BCAS4: variants seen among roughly 807,000 people sequenced by gnomAD.
The protein encoded by BCAS4 is breast carcinoma-amplified sequence 4.
A neutral mutation model predicts 15.7 loss-of-function variants in BCAS4; 9 were observed. The observed-to-expected ratio is 0.57, with a 90% CI of 0.34 to 1.00. BCAS4 has a LOEUF of 1.00. BCAS4 is among the 50% of genes least tolerant of loss of function. BCAS4 has a pLI of 0.02. For missense variants in BCAS4, 225 were observed against 239.1 expected, an observed-to-expected ratio of 0.94 and a Z score of 0.39; for synonymous variants, 101 against 99.5, an observed-to-expected ratio of 1.02 and a Z score of -0.09.
chr20:50,854,579 G>A (rs1568679450), intron 4 of BCAS4, among the ~76,000 whole-genome samples: 1 of 152,194 alleles, frequency 6.6e-6, no homozygotes, highest in African/African-American at 2.4e-5. Flanking sequence ...AGCGGGAGGA[G>A]GTAGAAGAGG....
chr20:50,837,141 C>T (rs533701239), intron 3 of BCAS4, among the ~76,000 whole-genome samples: 1 of 152,244 alleles, frequency 6.6e-6, no homozygotes, highest in South Asian at 2.1e-4. Flanking sequence ...CAGAAAAAGC[C>T]GCCGAGGCAC....
At chr20:50,822,184 G>A (rs1054908936) in intron 2 of BCAS4, among the ~76,000 whole-genome samples, 9 of 152,100 alleles carry the variant, frequency 5.9e-5, no homozygotes, top group African/African-American at 2.2e-4. Context: ...CGCTCTCCAC[G>A]TGGCTGGCGT....
intron 4 of BCAS4, among the ~76,000 whole-genome samples, chr20:50,871,602 CCA>C (rs1308046819): frequency 6.6e-6 from 1 of 152,182 alleles, no homozygotes; most frequent in Non-Finnish European, 1.5e-5. Flanking sequence ...AGGAAAAGCC[CCA>C]GGGTAACTCC....
intron 1 of BCAS4, among the ~76,000 whole-genome samples, chr20:50,813,915 C>A (rs1241002053): frequency 6.6e-6 from 1 of 151,976 alleles, no homozygotes; most frequent in African/African-American, 2.4e-5. Flanking sequence ...GCCTCCTTCC[C>A]CTCTGAGTGG....
rs1980001148 is a variant in BCAS4, at chr20:50,877,155, C to T, written c.*547C>T. ...GGTGCCCACAGCCTTGAGGATCCTT[C>T]CAATAAAGGTGTCAAGAGCTCAGCC... On this transcript the variant is annotated 3_prime_UTR_variant, in exon 5 of 5. Coordinates refer to ENST00000371608, the MANE Select transcript of BCAS4 (RefSeq NM_198799.4). 1 of 152,774 alleles carries T rather than the reference C, an allele frequency of 6.5e-6. No individual in the cohort carries two copies. The highest frequency in any genetic ancestry group is 2.1e-4 in the South Asian group (1 of 4,850). The allele number at this position is 152,774 out of a possible 1,614,324, so 9.5% of individuals were successfully genotyped here.
At chr20:50,819,464 C>T (rs762188049) in intron 2 of BCAS4, among the ~76,000 whole-genome samples, 15 of 152,138 alleles carry the variant, frequency 9.9e-5, no homozygotes, top group Non-Finnish European at 1.5e-4. Context: ...CGTGTCCGGA[C>T]CCTGAGAGTG....
chr20:50,853,139 A>ATTTTTTTTTTTTTTTTT, intron 4 of BCAS4, among the ~76,000 whole-genome samples: 1 of 106,906 alleles, frequency 9.4e-6, no homozygotes, highest in Non-Finnish European at 1.9e-5. Context: ...ATCCCCTTTC[A>ATTTTTTTTTTTTTTTTT]TTTTTTTTTT....
chr20:50,866,226 C>T (rs558794350), intron 4 of BCAS4, among the ~76,000 whole-genome samples: 4 of 152,302 alleles, frequency 2.6e-5, no homozygotes, highest in South Asian at 2.1e-4. Flanking sequence ...AGCCACCGGC[C>T]GTGGTGGGGG....
intron 4 of BCAS4, among the ~76,000 whole-genome samples, chr20:50,873,864 C>T (rs936836944): frequency 1.3e-5 from 2 of 152,218 alleles, no homozygotes; most frequent in African/African-American, 4.8e-5. Context: ...AGGTGCGTCA[C>T]TTGTCCTGGT....
intron 4 of BCAS4, among the ~76,000 whole-genome samples, chr20:50,849,328 G>T (rs538127242): frequency 1.3e-5 from 2 of 152,188 alleles, no homozygotes; most frequent in African/African-American, 2.4e-5. Context: ...ATGCTGCCCT[G>T]GGGGAGGGAA....
Position 50,851,961 on chromosome 20 carries a change from TG to T in BCAS4, c.399+10065del, listed in dbSNP as rs1205289157. ...CCCTAGCCTGAGAGCTGCTCAAGGG[TG>T]GGGCCTGTGTCTTGTCTTTGCCATG... On this transcript the variant is annotated intron_variant, in intron 4 of 4. Coordinates refer to ENST00000371608, the MANE Select transcript of BCAS4 (RefSeq NM_198799.4). The surrounding 1 kb of genome is among the most constrained non-coding windows in gnomAD (Gnocchi z 4.3). Among the ~76,000 whole-genome samples the T allele has an allele frequency of 2.0e-5, 3 of 152,146 alleles. No homozygotes were observed. Among genetic ancestry groups the T allele is most frequent in the Non-Finnish European group, 4.4e-5 (3 of 68,028 alleles).
chr20:50,804,427 A>G (rs1051398177), intron 1 of BCAS4, among the ~76,000 whole-genome samples: 21 of 152,200 alleles, frequency 1.4e-4, no homozygotes, highest in African/African-American at 4.8e-4. Context: ...ACAGAATTTC[A>G]TTGTTTGTCT....
chr20:50,829,511 G>C (rs1399776486), intron 2 of BCAS4, among the ~76,000 whole-genome samples: 1 of 152,042 alleles, frequency 6.6e-6, no homozygotes, highest in Non-Finnish European at 1.5e-5. Flanking sequence ...CCAAAGTATT[G>C]GGATTACAGG....
intron 4 of BCAS4, among the ~76,000 whole-genome samples, chr20:50,853,714 T>C (rs867076746): frequency 5.8e-5 from 3 of 51,696 alleles, no homozygotes; most frequent in African/African-American, 2.6e-4. Flanking sequence ...GTGTTTTGTG[T>C]ACTGGGGGGT....
intron 2 of BCAS4, among the ~76,000 whole-genome samples, chr20:50,820,427 A>T (rs985206170): frequency 3.9e-5 from 6 of 152,138 alleles, no homozygotes; most frequent in Non-Finnish European, 8.8e-5. Flanking sequence ...AATTCAACAG[A>T]TGGGGAAGGA....
intron 1 of BCAS4, among the ~76,000 whole-genome samples, chr20:50,801,640 C>T (rs1288962533): frequency 2.0e-5 from 3 of 152,300 alleles, no homozygotes; most frequent in Admixed American, 6.5e-5. Context: ...CGCACCTGGC[C>T]TCTTCCTTAA....
At chr20:50,825,654 A>T (rs1221005569) in intron 2 of BCAS4, among the ~76,000 whole-genome samples, 1 of 152,222 alleles carries the variant, frequency 6.6e-6, no homozygotes, top group Non-Finnish European at 1.5e-5. Context: ...AGGTGGGAGG[A>T]TCACTTGAGG....
rs552194951 is a variant in BCAS4, at chr20:50,813,671, G to A, written c.91-4540G>A. 2.7e-4 allele frequency among the ~76,000 whole-genome samples: 36 copies of A among 130,964 alleles called. No individual in the cohort carries two copies. The East Asian group carries it at 5.1e-3, about 18-fold the overall frequency. The allele number at this position is 130,964 out of a possible 152,430, so 85.9% of individuals were successfully genotyped here. ...GAATTAGAGAAGATCATGGGTGGAG[G>A]ACCTTTTTTTTTTTTTTTTTTTTTT... is the stretch of plus-strand genomic sequence containing the variant. On this transcript the variant is annotated intron_variant, in intron 1 of 4. Transcript: ENST00000371608.
At chr20:50,856,683 G>A (rs1284321415) in intron 4 of BCAS4, among the ~76,000 whole-genome samples, 1 of 152,230 alleles carries the variant, frequency 6.6e-6, no homozygotes, top group Admixed American at 6.5e-5. Flanking sequence ...CGGGGCAGGA[G>A]GGGCTCAGAT....
Sources: allele counts gnomAD v4.1 joint callset (sites outside exome capture counted in the v4.1 genomes callset), GRCh38; gene constraint gnomAD v4.1.1; non-coding constraint Gnocchi (gnomAD v3.1); transcripts MANE v1.5; gene names NCBI Gene and HGNC (gene_info 2026-07-23, HGNC 2026-07-21).